ARHGAP42: variants seen among roughly 807,000 people sequenced by gnomAD.
ARHGAP42 encodes Rho GTPase activating protein 42.
In ARHGAP42, 63 loss-of-function variants were observed where a neutral mutation model predicts 125.0. The observed-to-expected ratio is 0.50, with a 90% confidence interval of 0.41 to 0.62. The LOEUF (loss-of-function observed/expected upper bound fraction) is 0.62, where lower values mean the gene tolerates loss of function less well. Among genes scored for constraint, ARHGAP42 ranks in the 20% least tolerant of loss-of-function variants. The pLI is 0.00. For missense variants in ARHGAP42, 766 were observed against 1,024.2 expected (o/e 0.75, Z 3.44); for synonymous variants, 339 against 351.0 (o/e 0.97, Z 0.38).
intron 3 of ARHGAP42, among the ~76,000 whole-genome samples, chr11:100,801,320 C>G (rs527312902): frequency 6.6e-6 from 1 of 152,192 alleles, no homozygotes; most frequent in African/African-American, 2.4e-5. Context: ...ACCACTAGTT[C>G]AGATTTTTTT....
intron 2 of ARHGAP42, among the ~76,000 whole-genome samples, chr11:100,781,620 C>A (rs1863313539): frequency 6.6e-6 from 1 of 151,716 alleles, no homozygotes; most frequent in Non-Finnish European, 1.5e-5. Flanking sequence ...AAATCCTCAC[C>A]CCAAGGGGGT....
chr11:100,742,922 T>C (rs1168731846), intron 1 of ARHGAP42, among the ~76,000 whole-genome samples: 1 of 152,220 alleles, frequency 6.6e-6, no homozygotes, highest in African/African-American at 2.4e-5. Flanking sequence ...GTGTGGAATG[T>C]CTTTTTCCAT....
At chr11:100,879,491 TTTTG>T (rs1008277658) in intron 4 of ARHGAP42, among the ~76,000 whole-genome samples, 1 of 152,254 alleles carries the variant, frequency 6.6e-6, no homozygotes, top group East Asian at 1.9e-4. Flanking sequence ...ATTTGGTGGG[TTTTG>T]TTTGTTTGTT....
At chr11:100,883,381 C>G (rs1866006004) in intron 4 of ARHGAP42, among the ~76,000 whole-genome samples, 1 of 152,168 alleles carries the variant, frequency 6.6e-6, no homozygotes, top group Non-Finnish European at 1.5e-5. Flanking sequence ...GCTCTTGTTG[C>G]CCAGGCTGGA....
At chr11:100,722,989 T>A (rs946424027) in intron 1 of ARHGAP42, among the ~76,000 whole-genome samples, 55 of 152,322 alleles carry the variant, frequency 3.6e-4, no homozygotes, top group African/African-American at 1.3e-3. Context: ...GGGTGTGAAG[T>A]CTATATCTAG....
chr11:100,780,007 C>G (rs1451851869), intron 2 of ARHGAP42, among the ~76,000 whole-genome samples: 1 of 150,148 alleles, frequency 6.7e-6, no homozygotes, highest in African/African-American at 2.5e-5. Flanking sequence ...GCCTGGGGGA[C>G]AGAGTGAGAC....
chr11:100,797,656 T>C (rs1437104227), intron 3 of ARHGAP42, among the ~76,000 whole-genome samples: 2 of 152,076 alleles, frequency 1.3e-5, no homozygotes, highest in African/African-American at 4.8e-5. Context: ...ACAATATACC[T>C]GGTCACCCAA....
chr11:100,910,324 G>T (rs937238826), intron 4 of ARHGAP42, among the ~76,000 whole-genome samples: 1 of 151,950 alleles, frequency 6.6e-6, no homozygotes, highest in African/African-American at 2.4e-5. Flanking sequence ...TATCTTCTAG[G>T]ACATCCCCTT....
At chr11:100,822,563 C>G (rs972033073) in intron 3 of ARHGAP42, among the ~76,000 whole-genome samples, 1 of 152,246 alleles carries the variant, frequency 6.6e-6, no homozygotes, top group Admixed American at 6.5e-5. Context: ...CCTTCAATTT[C>G]CTCAGCCATG....
chr11:100,944,948 C>G lies in ARHGAP42; in HGVS notation c.1043+1080C>G, dbSNP rs575243155. On this transcript the variant is annotated intron_variant, in intron 10 of 23. Transcript: ENST00000298815. ...CACATCAATTGAATCTTCATTTCAACAAAGATTTCTCTGTACCATGCAATG... is the reference window on the plus strand; with the variant it reads ...CACATCAATTGAATCTTCATTTCAAGAAAGATTTCTCTGTACCATGCAATG... Among the ~76,000 whole-genome samples the G allele has an allele frequency of 1.7e-3, 251 of 152,096 alleles. 1 individual carries two copies. Among genetic ancestry groups the G allele is most frequent in the African/African-American group, 5.7e-3 (238 of 41,510 alleles).
At chr11:100,936,684 C>G (rs1867746469) in intron 8 of ARHGAP42, among the ~76,000 whole-genome samples, 2 of 152,144 alleles carry the variant, frequency 1.3e-5, no homozygotes, top group Admixed American at 6.5e-5. Context: ...AATAGTTTTA[C>G]CCTCTGGCAG....
chr11:100,831,278 A>G (rs917006080), intron 3 of ARHGAP42, among the ~76,000 whole-genome samples: 21 of 152,150 alleles, frequency 1.4e-4, no homozygotes, highest in Non-Finnish European at 2.5e-4. Context: ...GTATCCTCAT[A>G]AACATCATCA....
intron 1 of ARHGAP42, among the ~76,000 whole-genome samples, chr11:100,723,137 G>T (rs967010154): frequency 2.0e-5 from 3 of 152,068 alleles, no homozygotes; most frequent in African/African-American, 7.2e-5. Context: ...TATTCTGTTG[G>T]TCTATTTTTC....
chr11:100,687,992 C>A (rs1861116517), intron 1 of ARHGAP42, 160 bp downstream of exon 1: 3 of 766,238 alleles, frequency 3.9e-6, no homozygotes, highest in African/African-American at 3.5e-5. Context: ...AAAGTTTGTT[C>A]TTGAGGTGTT....
At position 100,714,241 on chromosome 11, in the gene ARHGAP42, TGTCAA is replaced by T. The variant is rs552339913; in HGVS notation, c.154+26415_154+26419del. On this transcript the variant is annotated intron_variant, in intron 1 of 23. Transcript: ENST00000298815. ...TAAAGAGGACTAAAATGTATTTACCTGTCAAGTCAATTCTTAAATGTTGCAATGTG... is the reference window on the plus strand; with the variant it reads ...TAAAGAGGACTAAAATGTATTTACCTGTCAATTCTTAAATGTTGCAATGTG... Among the ~76,000 whole-genome samples the T allele has an allele frequency of 7.6e-3, 1,152 of 152,360 alleles. 14 individuals are homozygous for T. The highest frequency in any genetic ancestry group is 0.026 in the African/African-American group (1,072 of 41,584).
chr11:100,832,667 TTTA>T (rs1220156584), intron 3 of ARHGAP42, among the ~76,000 whole-genome samples: 1 of 152,114 alleles, frequency 6.6e-6, no homozygotes, highest in African/African-American at 2.4e-5. Flanking sequence ...AACTCTTCAG[TTTA>T]TTATTTTTCA....
chr11:100,932,827 C>T (rs1227306844), intron 6 of ARHGAP42, among the ~76,000 whole-genome samples: 1 of 152,080 alleles, frequency 6.6e-6, no homozygotes, highest in African/African-American at 2.4e-5. Flanking sequence ...GAAGTTCTTC[C>T]AGGGTGGGAT....
intron 12 of ARHGAP42, among the ~76,000 whole-genome samples, chr11:100,955,971 C>A (rs938074174): frequency 6.6e-6 from 1 of 152,116 alleles, no homozygotes; most frequent in Non-Finnish European, 1.5e-5. Context: ...AAATGACAAT[C>A]CTTGTGACTA....
At chr11:100,812,056 C>T (rs186043301) in intron 3 of ARHGAP42, among the ~76,000 whole-genome samples, 2 of 152,278 alleles carry the variant, frequency 1.3e-5, no homozygotes, top group Admixed American at 1.3e-4. Context: ...CCACCTAGGC[C>T]TCCCAAAGTG....
Sources: gnomAD v4.1 joint callset for allele counts (sites outside exome capture counted in the v4.1 genomes callset) on GRCh38, gnomAD v4.1.1 for gene constraint, MANE v1.5 for transcripts, NCBI Gene and HGNC (gene_info 2026-07-23, HGNC 2026-07-21) for gene names.